Variants in ERBB4 observed in about 807,000 individuals in gnomAD.
ERBB4 encodes the protein erb-b2 receptor tyrosine kinase 4, also known as receptor tyrosine-protein kinase erbB-4.
ERBB4 carries 42 observed loss-of-function variants against 158.0 expected under a neutral mutation model. The ratio of observed to expected loss-of-function variants is 0.27; its 90% CI spans 0.21 to 0.34. The LOEUF (loss-of-function observed/expected upper bound fraction) is 0.34. Among genes scored for constraint, ERBB4 ranks in the 10% least tolerant of loss-of-function variants. ERBB4 has a pLI of 1.00. For missense variants in ERBB4, 1,333 were observed against 1,624.1 expected (o/e 0.82, Z 3.08); for synonymous variants, 583 against 558.7 (o/e 1.04, Z -0.61).
chr2:212,475,101 T>C (rs1317890589), intron 1 of ERBB4, among the ~76,000 whole-genome samples: 1 of 152,048 alleles, frequency 6.6e-6, no homozygotes, highest in Non-Finnish European at 1.5e-5. Flanking sequence ...ACCTAAGCCC[T>C]CAAGTAGAAA....
chr2:212,285,362 A>G (rs540524053), intron 1 of ERBB4, among the ~76,000 whole-genome samples: 1 of 149,612 alleles, frequency 6.7e-6, no homozygotes, highest in Admixed American at 6.7e-5. Context: ...ATATTTCAGA[A>G]AAGCACAGGT....
At chr2:211,933,349 A>G (rs887675116) in intron 3 of ERBB4, among the ~76,000 whole-genome samples, 38 of 152,072 alleles carry the variant, frequency 2.5e-4, no homozygotes, top group African/African-American at 9.2e-4. Flanking sequence ...GCTTTATAAA[A>G]GATATATCTA....
intron 1 of ERBB4, among the ~76,000 whole-genome samples, chr2:212,312,262 C>T (rs1389568318): frequency 6.6e-6 from 1 of 150,982 alleles, no homozygotes; most frequent in East Asian, 2.0e-4. Flanking sequence ...ACTTGTCTGC[C>T]TTCTCAATAT....
At chr2:211,670,353 T>C (rs72945032) in intron 14 of ERBB4, among the ~76,000 whole-genome samples, 19,187 of 152,240 alleles carry the variant, frequency 0.13, 1,526 homozygotes, top group Non-Finnish European at 0.17. Context: ...GTCGTGTTCT[T>C]ACCTGCTTAG....
chr2:212,057,752 A>AC (rs2077626419), intron 2 of ERBB4, among the ~76,000 whole-genome samples: 1 of 152,234 alleles, frequency 6.6e-6, no homozygotes, highest in Admixed American at 6.5e-5. Flanking sequence ...GACACAACAT[A>AC]CCAGAATCTC....
intron 3 of ERBB4, among the ~76,000 whole-genome samples, chr2:211,933,817 T>C (rs1229879416): frequency 6.6e-6 from 1 of 152,044 alleles, no homozygotes; most frequent in Non-Finnish European, 1.5e-5. Flanking sequence ...CTCTTCAACT[T>C]TGCTTTTATA....
At chr2:211,758,282 A>G (rs1420811485) in intron 4 of ERBB4, among the ~76,000 whole-genome samples, 1 of 152,194 alleles carries the variant, frequency 6.6e-6, no homozygotes, top group Admixed American at 6.5e-5. Flanking sequence ...TGCCTTCAGA[A>G]TGCTTTAGGC....
intron 1 of ERBB4, among the ~76,000 whole-genome samples, chr2:212,155,960 C>CT (rs1437851122): frequency 6.6e-6 from 1 of 152,038 alleles, no homozygotes; most frequent in Non-Finnish European, 1.5e-5. Context: ...TTCAATATAA[C>CT]TGGCTTCCTT....
chr2:212,263,946 T>C (rs753474596), intron 1 of ERBB4, among the ~76,000 whole-genome samples: 8 of 152,158 alleles, frequency 5.3e-5, no homozygotes, highest in Non-Finnish European at 1.2e-4. Context: ...GTAATATCTA[T>C]GGCTTGTCTG....
intron 25 of ERBB4, among the ~76,000 whole-genome samples, chr2:211,408,080 G>A (rs1263971285): frequency 6.6e-6 from 1 of 150,774 alleles, no homozygotes; most frequent in Non-Finnish European, 1.5e-5. Flanking sequence ...AGACAAAGAT[G>A]GATTTGTAAA....
intron 1 of ERBB4, among the ~76,000 whole-genome samples, chr2:212,309,009 T>C (rs1313519202): frequency 1.3e-5 from 2 of 150,862 alleles, no homozygotes; most frequent in East Asian, 3.9e-4. Flanking sequence ...TGTATAAAAT[T>C]GCTACAGTAA....
rs1037045922 is a variant in ERBB4 at position 211,380,143 on chromosome 2, G to A, written c.*3472C>T. 2.2e-5 allele frequency: 5 copies of A among 231,674 alleles called. No homozygotes were observed. The highest frequency in any genetic ancestry group is 6.6e-5 in the African/African-American group (3 of 45,220). The allele number at this position is 231,674 out of a possible 1,614,324, so 14.4% of individuals were successfully genotyped here. A position where few individuals can be genotyped will look rare whatever the true frequency, so the allele number is the denominator to read the frequency against. The stretch of plus-strand genomic sequence containing the variant: ...GTTTTAATAGAAATTTGAGTTTTGC[G>A]TTGTTTTTCATGCTATTTTAAGAAT... On this transcript the variant is annotated 3_prime_UTR_variant, in exon 28 of 28. Coordinates refer to ENST00000342788, the MANE Select transcript of ERBB4 (RefSeq NM_005235.3).
At chr2:211,812,191 T>G (rs1009803088) in intron 3 of ERBB4, among the ~76,000 whole-genome samples, 4 of 152,194 alleles carry the variant, frequency 2.6e-5, no homozygotes, top group Non-Finnish European at 4.4e-5. Flanking sequence ...TTGATGATGG[T>G]GACTTACAGA....
At chr2:211,464,982 C>CT (rs1176092000) in intron 20 of ERBB4, among the ~76,000 whole-genome samples, 384 of 21,390 alleles carry the variant, frequency 0.018, 2 homozygotes, top group Admixed American at 0.023. Flanking sequence ...TTTTTTTTTT[C>CT]TTTTTTTTTT....
intron 16 of ERBB4, among the ~76,000 whole-genome samples, chr2:211,650,436 CTCCTATAGAAG>C (rs2070940040): frequency 6.6e-6 from 1 of 152,028 alleles, no homozygotes; most frequent in Non-Finnish European, 1.5e-5. Context: ...ATTTAGTCTT[CTCCTATAGAAG>C]TTTATAAGAT....
At chr2:211,998,674 G>A (rs2076029457) in intron 2 of ERBB4, among the ~76,000 whole-genome samples, 1 of 151,800 alleles carries the variant, frequency 6.6e-6, no homozygotes, top group African/African-American at 2.4e-5. Context: ...TCTTTAAGGT[G>A]AGATCTCTGC....
At chr2:212,181,454 T>C (rs11693640) in intron 1 of ERBB4, among the ~76,000 whole-genome samples, 66,901 of 150,766 alleles carry the variant, frequency 0.44, 17,116 homozygotes, top group East Asian at 0.77. Flanking sequence ...CTTTATCACT[T>C]ACTCTTGAAA....
At chr2:211,425,875 G>A (rs1251139655) in intron 22 of ERBB4, among the ~76,000 whole-genome samples, 1 of 151,960 alleles carries the variant, frequency 6.6e-6, no homozygotes, top group African/African-American at 2.4e-5. Flanking sequence ...GTAGATAAAG[G>A]GTTTCAGCAT....
At chr2:212,367,088 C>T (rs1305006919) in intron 1 of ERBB4, among the ~76,000 whole-genome samples, 3 of 151,922 alleles carry the variant, frequency 2.0e-5, no homozygotes, top group Non-Finnish European at 4.4e-5. Flanking sequence ...TAACTACACC[C>T]CCAAAACCCT....
Sources: allele counts gnomAD v4.1 joint callset (sites outside exome capture counted in the v4.1 genomes callset), GRCh38; gene constraint gnomAD v4.1.1; transcripts MANE v1.5; gene names NCBI Gene and HGNC (gene_info 2026-07-23, HGNC 2026-07-21).